Variants in CCDC112 observed in about 807,000 individuals in gnomAD.
CCDC112 encodes coiled-coil domain-containing protein 112.
Under a neutral mutation model 66.3 loss-of-function variants are expected in CCDC112, and 40 were observed. The observed-to-expected ratio is 0.60, with a 90% CI of 0.47 to 0.79. The LOEUF (loss-of-function observed/expected upper bound fraction) is 0.79, where lower values mean the gene tolerates loss of function less well. Among genes scored for constraint, CCDC112 ranks in the 30% least tolerant of loss-of-function variants. CCDC112 has a pLI of 0.00. For synonymous variants in CCDC112, 214 were observed against 197.2 expected, an observed-to-expected ratio of 1.09 and a Z score of -0.71; for missense variants, 659 against 603.8, an observed-to-expected ratio of 1.09 and a Z score of -0.96.
intron 3 of CCDC112, chr5:115,277,331 A>C (rs1749249046): frequency 4.5e-6 from 1 of 220,886 alleles, no homozygotes; most frequent in African/African-American, 2.4e-5. Context: ...AGATTGAGTT[A>C]TTGGACATTG....
chr5:115,278,540 G>C (rs945201690), intron 3 of CCDC112, among the ~76,000 whole-genome samples: 2 of 151,966 alleles, frequency 1.3e-5, no homozygotes, highest in Non-Finnish European at 2.9e-5. Context: ...TACAAATAAA[G>C]TTGCCATAAT....
Position 115,296,429 on chromosome 5 carries a change from G to C in CCDC112, c.115C>G (p.Gln39Glu). ...TGVGATPAPQ[Q>E]SDGCFSTSGG... ...GCTCTCGGTTCTCCCGGATTTACCTGTTGAGGCGCTGGCGTCGCTCCCACG... is the reference window on the plus strand; with the variant it reads ...GCTCTCGGTTCTCCCGGATTTACCTCTTGAGGCGCTGGCGTCGCTCCCACG... Residue 39 changes from glutamine to glutamate, a missense_variant and splice_region_variant, in exon 1 of 10, where the codon CAG (glutamine) becomes GAG (glutamate). Transcript: ENST00000379611. The C allele has an allele frequency of 4.5e-6, 7 of 1,568,086 alleles. No homozygotes were observed. The highest frequency in any genetic ancestry group is 4.3e-6 in the Non-Finnish European group (5 of 1,165,462).
At position 115,267,889 on chromosome 5, in the gene CCDC112, T is replaced by C; in HGVS notation, c.1577A>G (p.Gln526Arg). 1 of 1,611,420 alleles carries C rather than the reference T, an allele frequency of 6.2e-7. No individual in the cohort carries two copies. The highest frequency in any genetic ancestry group is 8.5e-7 in the Non-Finnish European group (1 of 1,177,696). The change falls in exon 10 of 10, where the codon CAG (glutamine) becomes CGG (arginine). Residue 526 changes from glutamine (Q) to arginine (R), a missense_variant. Gln to Arg is a conservative substitution (Grantham distance 43). Coordinates refer to ENST00000379611, the MANE Select transcript of CCDC112 (RefSeq NM_001040440.3). ...RAIPTWRQGI[Q>R]RRV ...AATTTGATTATCTCATACTCTTCTC[T>C]GTATTCCTTGTCTCCAGGTTGGAAT...
intron 7 of CCDC112, 143 bp from the exon 8 acceptor site, chr5:115,269,941 T>G: frequency 1.8e-6 from 1 of 566,198 alleles, no homozygotes. Flanking sequence ...CTAAGAGCTT[T>G]ATTTTCTCTG....
At position 115,296,494 on chromosome 5, in the gene CCDC112, G is replaced by A. The variant is rs867237846; in HGVS notation, c.50C>T (p.Ala17Val). The A allele has an allele frequency of 1.3e-6, 2 of 1,558,434 alleles. No homozygotes were observed. Residue 17 changes from alanine to valine, a missense_variant, in exon 1 of 10, where the codon GCC becomes GTC. Coordinates refer to ENST00000379611, the MANE Select transcript of CCDC112 (RefSeq NM_001040440.3). ...VVVAAAATAV[A>V]GAVAGAGAAT... ...CGCGCCCGCCCCTGCCACAGCCCCG[G>A]CTACCGCGGTGGCCGCAGCCGCTAC...
intron 1 of CCDC112, among the ~76,000 whole-genome samples, chr5:115,288,418 T>C (rs1185605950): frequency 6.6e-6 from 1 of 152,210 alleles, no homozygotes; most frequent in Non-Finnish European, 1.5e-5. Context: ...CACAATTTAA[T>C]ACCATATACA....
At chr5:115,290,960 C>T (rs1749902861) in intron 1 of CCDC112, among the ~76,000 whole-genome samples, 1 of 152,086 alleles carries the variant, frequency 6.6e-6, no homozygotes, top group African/African-American at 2.4e-5. Context: ...ATCTTCCTTT[C>T]CAATACGAAT....
At chr5:115,292,878 T>C (rs1749993571) in intron 1 of CCDC112, among the ~76,000 whole-genome samples, 1 of 152,214 alleles carries the variant, frequency 6.6e-6, no homozygotes, top group Non-Finnish European at 1.5e-5. Flanking sequence ...TACAACCCTA[T>C]CTTAGTATTT....
chr5:115,281,655 T>C (rs1749462789), intron 2 of CCDC112, among the ~76,000 whole-genome samples: 1 of 152,186 alleles, frequency 6.6e-6, no homozygotes, highest in Non-Finnish European at 1.5e-5. Flanking sequence ...CTCAACAGTT[T>C]TTAGTTCATC....
chr5:115,281,310 C>T (rs1749446694), intron 2 of CCDC112, among the ~76,000 whole-genome samples: 1 of 152,144 alleles, frequency 6.6e-6, no homozygotes, highest in Non-Finnish European at 1.5e-5. Flanking sequence ...AGGCATGAGC[C>T]ACCGCATCTG....
At chr5:115,294,524 G>A (rs1342914230) in intron 1 of CCDC112, among the ~76,000 whole-genome samples, 2 of 152,188 alleles carry the variant, frequency 1.3e-5, no homozygotes, top group East Asian at 1.9e-4. Flanking sequence ...CTAGAACTGT[G>A]AGAAAATAAA....
rs751026782 is a variant in CCDC112, at chr5:115,271,428, A to G, written c.1117T>C (p.Cys373Arg). The G allele has an allele frequency of 1.2e-6, 2 of 1,609,940 alleles. No homozygotes were observed. Among genetic ancestry groups the G allele is most frequent in the Non-Finnish European group, 8.5e-7 (1 of 1,179,186 alleles). The change falls in exon 7 of 10, where the codon TGT (cysteine) becomes CGT (arginine). Residue 373 changes from cysteine to arginine, a missense_variant. By Grantham distance (180) the Cys-to-Arg change is radical. Transcript: ENST00000379611. ...KQKSIEMSMKCASQLKEEEEK... is the reference protein window; with the variant it reads ...KQKSIEMSMKRASQLKEEEEK... ...TCTTCTTCTTTTAACTGGGAAGCAC[A>G]TTTCATTGACATTTCTATACTTTTC...
chr5:115,269,588 A>T, intron 8 of CCDC112, 115 bp downstream of exon 8: 1 of 694,184 alleles, frequency 1.4e-6, no homozygotes, highest in Non-Finnish European at 2.3e-6. Flanking sequence ...TATGAAATTT[A>T]AAGTAGATGT....
chr5:115,268,990 T>C lies in CCDC112; in HGVS notation c.1439A>G (p.Asn480Ser). ...LAKLKEKVEN[N>S]VSRDPSRLYK... ...AAGCCTAGAGGGATCTCTACTAACA[T>C]TGTTTTCAACCTGTAATCAGAAGTA... The change falls in exon 9 of 10, where the codon AAT becomes AGT. Residue 480 changes from asparagine to serine, a missense_variant. Transcript: ENST00000379611. 1 of 1,585,438 alleles carries C rather than the reference T, an allele frequency of 6.3e-7. No homozygotes were observed. The highest frequency in any genetic ancestry group is 8.6e-7 in the Non-Finnish European group (1 of 1,164,976).
chr5:115,288,387 G>C (rs1274925531), intron 1 of CCDC112, among the ~76,000 whole-genome samples: 1 of 152,156 alleles, frequency 6.6e-6, no homozygotes, highest in Non-Finnish European at 1.5e-5. Context: ...TTGATAAGCT[G>C]TTAAATACAT....
At chr5:115,273,041 C>T (rs2127053277) in intron 6 of CCDC112, among the ~76,000 whole-genome samples, 1 of 152,250 alleles carries the variant, frequency 6.6e-6, no homozygotes, top group Non-Finnish European at 1.5e-5. Context: ...TTTGCAAACC[C>T]ATATTTAGTC....
At chr5:115,289,048 C>G (rs1247487290) in intron 1 of CCDC112, 3 of 282,736 alleles carry the variant, frequency 1.1e-5, no homozygotes, top group Non-Finnish European at 1.3e-5. Context: ...TGGCTTCTTT[C>G]CCTCAGCCTT....
Position 115,275,375 on chromosome 5 carries a change from AT to A in CCDC112, c.758del (p.Tyr253LeufsTer7). 5 of 1,614,088 alleles carry A rather than the reference AT, an allele frequency of 3.1e-6. No individual in the cohort carries two copies. Among genetic ancestry groups the A allele is most frequent in the Non-Finnish European group, 4.2e-6 (5 of 1,180,002 alleles). Reference sequence around the variant, plus strand: ...TCACCTTTACAAAGTTCTGGTGATCATAATCATCCCAGGCACCTTGTCGCCC... The same window carrying A: ...TCACCTTTACAAAGTTCTGGTGATCAAATCATCCCAGGCACCTTGTCGCCC... ...TGGRQGAWDD[Y>X]DHQNFVKVRN... On this transcript the variant is annotated frameshift_variant, in exon 6 of 10. Transcript: ENST00000379611. LOFTEE classifies it high-confidence loss of function.
intron 3 of CCDC112, among the ~76,000 whole-genome samples, chr5:115,278,685 C>T (rs1013546595): frequency 6.6e-6 from 1 of 151,876 alleles, no homozygotes; most frequent in Non-Finnish European, 1.5e-5. Flanking sequence ...AGGGGTGTCT[C>T]GGTTTTTCAA....
Sources: allele counts gnomAD v4.1 joint callset (sites outside exome capture counted in the v4.1 genomes callset), GRCh38; gene constraint gnomAD v4.1.1; transcripts MANE v1.5; gene names NCBI Gene and HGNC (gene_info 2026-07-23, HGNC 2026-07-21).